Variants in COL25A1 observed in about 807,000 individuals in gnomAD.
The protein encoded by COL25A1 is collagen type XXV alpha 1 chain.
In COL25A1, 103 loss-of-function variants were observed where a neutral mutation model predicts 128.4. The ratio of observed to expected loss-of-function variants is 0.80; its 90% confidence interval spans 0.68 to 0.94. The LOEUF is 0.94. COL25A1 is among the 40% of genes least tolerant of loss of function. The pLI is 0.00. For missense variants in COL25A1, 745 were observed against 840.0 expected, an observed-to-expected ratio of 0.89 and a Z score of 1.40; for synonymous variants, 279 against 277.2, an observed-to-expected ratio of 1.01 and a Z score of -0.06.
rs774443798 is a variant in COL25A1, at chr4:108,819,279, C to T, written c.1896G>A (p.Leu632=). The T allele has an allele frequency of 2.9e-5, 46 of 1,612,690 alleles. No individual in the cohort carries two copies. The highest frequency in any genetic ancestry group is 3.6e-5 in the Non-Finnish European group (42 of 1,179,606). ...ATTGGCAAGGGGCATCCAGCCCATCCAGGCCAGGCTGGCCTGGCTCCCCTT... is the reference window on the plus strand; with the variant it reads ...ATTGGCAAGGGGCATCCAGCCCATCTAGGCCAGGCTGGCCTGGCTCCCCTT... ...GEKGEPGQPG[L]DGLDAPCQLG... Residue 632 remains leucine (L), a synonymous_variant, in exon 36 of 38, where the codon CTG becomes CTA. Transcript: ENST00000399132.
intron 3 of COL25A1, among the ~76,000 whole-genome samples, chr4:109,150,079 TTGTATGTC>T (rs1213583066): frequency 6.6e-6 from 1 of 151,304 alleles, no homozygotes; most frequent in African/African-American, 2.4e-5. Flanking sequence ...GTATGTGTGT[TTGTATGTC>T]TGTATGTGTG....
At chr4:108,839,693 A>G (rs1734202192) in intron 31 of COL25A1, among the ~76,000 whole-genome samples, 1 of 152,244 alleles carries the variant, frequency 6.6e-6, no homozygotes, top group African/African-American at 2.4e-5. Flanking sequence ...CCTGAAGTTT[A>G]TCATCTATGA....
intron 37 of COL25A1, among the ~76,000 whole-genome samples, chr4:108,814,363 ATGT>A (rs1420537112): frequency 1.3e-5 from 2 of 152,180 alleles, no homozygotes; most frequent in South Asian, 2.1e-4. Context: ...GACCTCGATA[ATGT>A]TGTTTACGTC....
In COL25A1 at chr4:108,963,473, C is replaced by G. The variant is rs1173210784; in HGVS notation, c.492+10894G>C. 7.2e-5 allele frequency among the ~76,000 whole-genome samples: 11 copies of G among 151,994 alleles called. 1 individual carries two copies. Among genetic ancestry groups the G allele is most frequent in the Admixed American group, 7.2e-4 (11 of 15,240 alleles). ...CAGGTTTTAGTATATTTACTAAAAG[C>G]CTTACATTCTCTATATAATATTGAA... On this transcript the variant is annotated intron_variant, in intron 8 of 37. Transcript: ENST00000399132.
chr4:109,240,718 C>T (rs754732784), intron 3 of COL25A1, among the ~76,000 whole-genome samples: 1 of 152,036 alleles, frequency 6.6e-6, no homozygotes, highest in African/African-American at 2.4e-5. Context: ...TGAGTTCAAA[C>T]GCTGATGCTG....
Position 109,302,335 on chromosome 4 carries a change from C to T in COL25A1, c.-223G>A, listed in dbSNP as rs541194018. 1.5e-5 allele frequency: 5 copies of T among 330,214 alleles called. No individual in the cohort carries two copies. In the South Asian group the frequency reaches 4.0e-4, roughly 26 times the overall value. The allele number at this position is 330,214 out of a possible 1,614,324, so 20.5% of individuals were successfully genotyped here. A position where few individuals can be genotyped will look rare whatever the true frequency, so the allele number is the denominator to read the frequency against. ...GCTCTTCCGACTCCCAGAGGACCGA[C>T]ACCTCTTTCGAGGGCCCCAACAGTG... On this transcript the variant is annotated 5_prime_UTR_variant, in exon 1 of 38. Coordinates refer to ENST00000399132, the MANE Select transcript of COL25A1 (RefSeq NM_198721.4).
intron 3 of COL25A1, among the ~76,000 whole-genome samples, chr4:109,142,537 T>C (rs145483449): frequency 0.02 from 3,040 of 152,118 alleles, 99 homozygotes; most frequent in South Asian, 0.13. Context: ...ACTATTATTG[T>C]GTGGGAGTCT....
At chr4:109,007,557 AATTT>A (rs201067054) in intron 6 of COL25A1, among the ~76,000 whole-genome samples, 34,465 of 151,884 alleles carry the variant, frequency 0.23, 6,117 homozygotes, top group African/African-American at 0.5. Context: ...ATCCTTCCTC[AATTT>A]ATTGACTTCC....
intron 8 of COL25A1, among the ~76,000 whole-genome samples, chr4:108,952,553 A>C (rs11098015): frequency 6.6e-6 from 1 of 152,158 alleles, no homozygotes; most frequent in African/African-American, 2.4e-5. Context: ...TTTAATTGTC[A>C]AAAAGTCTTC....
chr4:108,995,968 G>A (rs1413348747), intron 6 of COL25A1, among the ~76,000 whole-genome samples: 3 of 152,078 alleles, frequency 2.0e-5, no homozygotes, highest in Non-Finnish European at 4.4e-5. Flanking sequence ...CCTGAAGGAA[G>A]CACTAAATAT....
intron 3 of COL25A1, among the ~76,000 whole-genome samples, chr4:109,082,035 G>T (rs1186051300): frequency 1.3e-5 from 2 of 152,128 alleles, no homozygotes; most frequent in African/African-American, 2.4e-5. Context: ...CTACAGATTT[G>T]TCTTTTCTGT....
chr4:108,824,269 T>C (rs761076938), intron 34 of COL25A1, 42 bp from the exon 35 acceptor site: 6 of 1,372,268 alleles, frequency 4.4e-6, no homozygotes, highest in East Asian at 2.3e-5. Context: ...ATTGGTGTAA[T>C]AGTGGCAAAA....
chr4:108,980,363 C>T (rs1012890662), intron 6 of COL25A1, among the ~76,000 whole-genome samples: 7 of 152,156 alleles, frequency 4.6e-5, no homozygotes, highest in African/African-American at 1.7e-4. Context: ...ACATGGGGGC[C>T]ACTGACAGGT....
chr4:108,928,484 G>T (rs1025474361), intron 11 of COL25A1, among the ~76,000 whole-genome samples: 1 of 147,762 alleles, frequency 6.8e-6, no homozygotes, highest in African/African-American at 2.5e-5. Context: ...ACAATATTTA[G>T]ACACTGAATT....
chr4:109,107,167 C>A (rs1232029258), intron 3 of COL25A1, among the ~76,000 whole-genome samples: 1 of 152,008 alleles, frequency 6.6e-6, no homozygotes, highest in Non-Finnish European at 1.5e-5. Context: ...TCCAATGAAG[C>A]AATTTAGACA....
chr4:109,281,401 T>G (rs1447891163), intron 3 of COL25A1, among the ~76,000 whole-genome samples: 2 of 134,102 alleles, frequency 1.5e-5, no homozygotes, highest in African/African-American at 5.9e-5. Flanking sequence ...TTATTTTCCT[T>G]AAAATGGCAA....
chr4:109,016,603 A>G (rs1724454), intron 5 of COL25A1, among the ~76,000 whole-genome samples: 77,743 of 152,128 alleles, frequency 0.51, 22,617 homozygotes, highest in African/African-American at 0.78. Flanking sequence ...CCCAGACTCA[A>G]ACAGACTCAC....
At chr4:109,015,269 A>G (rs1439332623) in intron 5 of COL25A1, among the ~76,000 whole-genome samples, 5 of 152,208 alleles carry the variant, frequency 3.3e-5, no homozygotes, top group Non-Finnish European at 5.9e-5. Flanking sequence ...ACTGAGTAGT[A>G]TTGTTCTAGT....
At chr4:108,915,782 T>C (rs902960589) in intron 13 of COL25A1, among the ~76,000 whole-genome samples, 30 of 152,186 alleles carry the variant, frequency 2.0e-4, no homozygotes, top group African/African-American at 7.2e-4. Flanking sequence ...AGTAATCTTT[T>C]GGAAAAAGCA....
Sources: allele counts gnomAD v4.1 joint callset (sites outside exome capture counted in the v4.1 genomes callset), GRCh38; gene constraint gnomAD v4.1.1; transcripts MANE v1.5; gene names NCBI Gene and HGNC (gene_info 2026-07-23, HGNC 2026-07-21).